The following NHS variants were observed in gnomAD, a reference collection of about 807,000 sequenced individuals.
The protein encoded by NHS is actin remodeling regulator NHS.
In NHS, 5 loss-of-function variants were observed where a neutral mutation model predicts 72.5. The observed-to-expected ratio is 0.07, with a 90% CI of 0.04 to 0.14. The LOEUF is 0.14. Among genes scored for constraint, NHS ranks in the 10% least tolerant of loss-of-function variants. The pLI is 1.00. For synonymous variants in NHS, 464 were observed against 547.7 expected (o/e 0.85, Z 2.13); for missense variants, 1,072 against 1,355.7 (o/e 0.79, Z 3.29).
intron 1 of NHS, among the ~76,000 whole-genome samples, chrX:17,570,401 A>G (rs2065469346): frequency 8.9e-6 from 1 of 111,805 alleles, no homozygotes; most frequent in Admixed American, 9.5e-5. Flanking sequence ...TGTAAGTTGT[A>G]TTCCTAGGTA....
chrX:17,543,186 C>T (rs867998050), intron 1 of NHS, among the ~76,000 whole-genome samples: 8 of 111,498 alleles, frequency 7.2e-5, no homozygotes, highest in Non-Finnish European at 1.1e-4. Context: ...TGTTGGCCCA[C>T]GGGTCACACT....
chrX:17,637,369 G>T (rs532109339), intron 1 of NHS, among the ~76,000 whole-genome samples: 64 of 111,823 alleles, frequency 5.7e-4, no homozygotes, highest in Middle Eastern at 4.6e-3. Context: ...CCTATACGTG[G>T]CTGACAGACC....
At chrX:17,539,062 A>G (rs1359357540) in intron 1 of NHS, among the ~76,000 whole-genome samples, 1 of 111,177 alleles carries the variant, frequency 9.0e-6, no homozygotes, top group African/African-American at 3.3e-5. Context: ...CACCTCTACC[A>G]TTTTTCCTCT....
intron 1 of NHS, among the ~76,000 whole-genome samples, chrX:17,407,552 G>C (rs1569247398): frequency 9.0e-6 from 1 of 111,678 alleles, no homozygotes; most frequent in Non-Finnish European, 1.9e-5. Flanking sequence ...TCTTTCTGAG[G>C]AGTGTTGATT....
intron 1 of NHS, among the ~76,000 whole-genome samples, chrX:17,542,661 G>A (rs1462393100): frequency 3.6e-5 from 4 of 111,020 alleles, no homozygotes; most frequent in Admixed American, 9.5e-5. Flanking sequence ...GACACAAAGG[G>A]AACTTTTCCT....
chrX:17,615,714 C>A (rs1284790942), intron 1 of NHS, among the ~76,000 whole-genome samples: 2 of 110,649 alleles, frequency 1.8e-5, no homozygotes, highest in African/African-American at 3.3e-5. Flanking sequence ...CCACACCATT[C>A]CCTGAACGCA....
intron 1 of NHS, among the ~76,000 whole-genome samples, chrX:17,484,545 A>G (rs1205166495): frequency 9.0e-6 from 1 of 110,992 alleles, no homozygotes; most frequent in Non-Finnish European, 1.9e-5. Context: ...ACTGTGGACA[A>G]GAGTCTTACT....
chrX:17,695,425 A>G (rs928370324), intron 3 of NHS, among the ~76,000 whole-genome samples: 5 of 112,357 alleles, frequency 4.5e-5, no homozygotes, highest in Non-Finnish European at 9.4e-5. Context: ...ATGACATGGG[A>G]AAATGTATAT....
At chrX:17,513,394 A>G (rs766452479) in intron 1 of NHS, among the ~76,000 whole-genome samples, 10 of 112,270 alleles carry the variant, frequency 8.9e-5, no homozygotes, top group Non-Finnish European at 1.9e-4. Context: ...CATTTGTCTA[A>G]CTGGTTCTGC....
In NHS at chrX:17,438,498, C is replaced by T. The variant is rs1050805185; in HGVS notation, c.565+62176C>T. Among the ~76,000 whole-genome samples the T allele has an allele frequency of 1.4e-4, 16 of 111,772 alleles. 1 individual carries two copies. Among genetic ancestry groups the T allele is most frequent in the Non-Finnish European group, 3.8e-5 (2 of 53,212 alleles). On this transcript the variant is annotated intron_variant, in intron 1 of 8. Coordinates refer to ENST00000676302, the MANE Select transcript of NHS (RefSeq NM_001291867.2). Reference sequence around the variant, plus strand: ...GTGGGGAAGGTGCTCTGAGACCTTGCTGTTCCCAGAGTGGTTCTCGGCCCA... The same window carrying T: ...GTGGGGAAGGTGCTCTGAGACCTTGTTGTTCCCAGAGTGGTTCTCGGCCCA...
chrX:17,462,850 ACT>A (rs2064853917), intron 1 of NHS, among the ~76,000 whole-genome samples: 1 of 111,382 alleles, frequency 9.0e-6, no homozygotes, highest in African/African-American at 3.3e-5. Flanking sequence ...GGATCTGAAA[ACT>A]CTCCAGAACA....
chrX:17,406,043 T>C (rs1460448775), intron 1 of NHS, among the ~76,000 whole-genome samples: 1 of 112,070 alleles, frequency 8.9e-6, no homozygotes, highest in East Asian at 2.8e-4. Flanking sequence ...AAAATTTGCC[T>C]CCAAAGACAA....
At chrX:17,664,866 C>T (rs1371628802) in intron 1 of NHS, among the ~76,000 whole-genome samples, 1 of 111,306 alleles carries the variant, frequency 9.0e-6, no homozygotes, top group African/African-American at 3.3e-5. Flanking sequence ...TATAGGTCTT[C>T]TTTAATTTCT....
At chrX:17,491,396 G>C (rs1016625552) in intron 1 of NHS, among the ~76,000 whole-genome samples, 3 of 111,919 alleles carry the variant, frequency 2.7e-5, no homozygotes, top group Non-Finnish European at 5.6e-5. Flanking sequence ...TTTTGTCATT[G>C]GTTCTGTTTT....
At chrX:17,647,818 C>A (rs1361178897) in intron 1 of NHS, among the ~76,000 whole-genome samples, 1 of 111,685 alleles carries the variant, frequency 9.0e-6, no homozygotes, top group Non-Finnish European at 1.9e-5. Flanking sequence ...AACCATATCA[C>A]CCAAAATCAA....
intron 3 of NHS, among the ~76,000 whole-genome samples, chrX:17,703,905 A>G (rs2066280687): frequency 8.9e-6 from 1 of 112,065 alleles, no homozygotes; most frequent in South Asian, 3.7e-4. Context: ...GCCATGAGAA[A>G]GCCCCCAGGC....
intron 1 of NHS, among the ~76,000 whole-genome samples, chrX:17,453,560 G>A (rs1011536044): frequency 1.1e-4 from 12 of 110,791 alleles, no homozygotes; most frequent in Admixed American, 1.9e-4. Flanking sequence ...ATAAACAAGC[G>A]CACATTTTAC....
chrX:17,389,057 C>T (rs1280663250), intron 1 of NHS, among the ~76,000 whole-genome samples: 2 of 111,874 alleles, frequency 1.8e-5, no homozygotes, highest in Non-Finnish European at 3.8e-5. Context: ...GAAGTAGGCA[C>T]TTCTCCTACG....
At chrX:17,506,782 A>T (rs1304012918) in intron 1 of NHS, among the ~76,000 whole-genome samples, 1 of 111,039 alleles carries the variant, frequency 9.0e-6, no homozygotes, top group East Asian at 2.8e-4. Flanking sequence ...TATGCTAGAG[A>T]GGCTGGAAAG....
Sources: gnomAD v4.1 joint callset for allele counts (sites outside exome capture counted in the v4.1 genomes callset) on GRCh38, gnomAD v4.1.1 for gene constraint, MANE v1.5 for transcripts, NCBI Gene and HGNC (gene_info 2026-07-23, HGNC 2026-07-21) for gene names.